The following PAPOLA variants were observed in gnomAD, a reference collection of about 807,000 sequenced individuals.
The protein encoded by PAPOLA is poly(A) polymerase alpha.
A neutral mutation model predicts 100.6 loss-of-function variants in PAPOLA; 15 were observed. The ratio of observed to expected loss-of-function variants is 0.15; its 90% CI spans 0.10 to 0.23. The LOEUF is 0.23. PAPOLA is among the 10% of genes least tolerant of loss of function. The probability of loss-of-function intolerance (pLI) is 1.00; values close to 1 mark genes in which losing one functional copy is unlikely to be tolerated. For missense variants in PAPOLA, 533 were observed against 884.2 expected (o/e 0.60, Z 5.04); for synonymous variants, 293 against 300.0 (o/e 0.98, Z 0.24).
chr14:96,522,112 C>CTTTTTTT (rs1350167869), intron 3 of PAPOLA, among the ~76,000 whole-genome samples: 125 of 98,666 alleles, frequency 1.3e-3, no homozygotes, highest in African/African-American at 2.0e-3. Flanking sequence ...CTCTTTCTTT[C>CTTTTTTT]TTTCTTTTTT....
intron 10 of PAPOLA, chr14:96,534,836 A>T: frequency 8.7e-7 from 1 of 1,149,700 alleles, no homozygotes; most frequent in South Asian, 4.0e-5. Context: ...ACTACCTTGT[A>T]AGTCAAAGTT....
At chr14:96,518,633 G>A (rs913607122) in intron 1 of PAPOLA, among the ~76,000 whole-genome samples, 10 of 152,008 alleles carry the variant, frequency 6.6e-5, no homozygotes, top group African/African-American at 2.4e-4. Context: ...TCCTGACCTC[G>A]TGATCCGCCC....
intron 1 of PAPOLA, chr14:96,502,939 A>G (rs1896411786): frequency 3.1e-6 from 1 of 323,248 alleles, no homozygotes; most frequent in Admixed American, 4.8e-5. Context: ...ACCCGAAAAC[A>G]AAACATTGCC....
chr14:96,555,797 A>T (rs4905503), intron 17 of PAPOLA, 50 bp from the exon 18 acceptor site: 330 of 922,950 alleles, frequency 3.6e-4, no homozygotes, highest in Non-Finnish European at 4.6e-4. Context: ...TTTTTTTTTT[A>T]TTTTTCTATT....
intron 1 of PAPOLA, among the ~76,000 whole-genome samples, chr14:96,514,173 T>G (rs1412315232): frequency 6.6e-6 from 1 of 151,152 alleles, no homozygotes; most frequent in African/African-American, 2.4e-5. Context: ...CTATTTGCAT[T>G]AGGTATCTTT....
At chr14:96,548,232 C>G (rs1022078452) in intron 16 of PAPOLA, among the ~76,000 whole-genome samples, 3 of 152,010 alleles carry the variant, frequency 2.0e-5, no homozygotes, top group African/African-American at 4.8e-5. Context: ...AATTTTCTTT[C>G]CTTTAAAAAG....
intron 16 of PAPOLA, among the ~76,000 whole-genome samples, chr14:96,548,933 T>C (rs1900610524): frequency 6.6e-6 from 1 of 152,232 alleles, no homozygotes; most frequent in South Asian, 2.1e-4. Context: ...GTGGACTGCC[T>C]TGTTCAAATT....
At chr14:96,557,927 T>A (rs1901500202) in intron 19 of PAPOLA, among the ~76,000 whole-genome samples, 2 of 152,174 alleles carry the variant, frequency 1.3e-5, no homozygotes, top group African/African-American at 4.8e-5. Context: ...ATGTATTTTT[T>A]AATTTGTGTC....
chr14:96,539,623 A>G (rs952281726), intron 12 of PAPOLA, among the ~76,000 whole-genome samples: 5 of 152,162 alleles, frequency 3.3e-5, no homozygotes, highest in Admixed American at 6.5e-5. Flanking sequence ...GGTAATGGCA[A>G]TTGCATCAAG....
At chr14:96,531,647 A>G in intron 7 of PAPOLA, 61 bp downstream of exon 7, 1 of 1,551,522 alleles carries the variant, frequency 6.4e-7, no homozygotes, top group Non-Finnish European at 8.7e-7. Flanking sequence ...AGTTGTTTTT[A>G]CACAAGTTTT....
At chr14:96,503,310 C>T (rs1006953336) in intron 1 of PAPOLA, among the ~76,000 whole-genome samples, 7 of 152,132 alleles carry the variant, frequency 4.6e-5, no homozygotes, top group Non-Finnish European at 7.3e-5. Flanking sequence ...GATGGGGTAA[C>T]CAGGTTTCAT....
In PAPOLA at chr14:96,555,844, TAGC is replaced by T; in HGVS notation, c.1665_1667del (p.Arg556del). 2 of 1,452,676 alleles carry T rather than the reference TAGC, an allele frequency of 1.4e-6. No homozygotes were observed. The highest frequency in any genetic ancestry group is 1.9e-6 in the Non-Finnish European group (2 of 1,076,934). The allele number at this position is 1,452,676 out of a possible 1,614,324, so 90.0% of individuals were successfully genotyped here. A position where few individuals can be genotyped will look rare whatever the true frequency, so the allele number is the denominator to read the frequency against. The stretch of plus-strand genomic sequence containing the variant: ...AGACAATTTTTAATTTTTTTTTTTT[TAGC>T]AGAAACAGTCCTGCTCCAGCTGTAA... On this transcript the variant is annotated splice_acceptor_variant and coding_sequence_variant, in exon 18 of 22. Coordinates refer to ENST00000216277, the MANE Select transcript of PAPOLA (RefSeq NM_032632.5). LOFTEE classifies it high-confidence loss of function.
At chr14:96,543,962 G>C (rs1900190165) in intron 14 of PAPOLA, among the ~76,000 whole-genome samples, 187 bp from the exon 15 acceptor site, 1 of 152,042 alleles carries the variant, frequency 6.6e-6, no homozygotes, top group African/African-American at 2.4e-5. Context: ...CTCTGTTTAT[G>C]TTGTAGTAGG....
chr14:96,535,610 C>G, intron 10 of PAPOLA: 2 of 1,085,884 alleles, frequency 1.8e-6, no homozygotes, highest in Non-Finnish European at 2.2e-6. Flanking sequence ...GATTCCCAAG[C>G]AGAACTTTTT....
rs141649922 is a variant in PAPOLA, at chr14:96,513,380, C to G, written c.9-6675C>G. ...CGCTGCACCAGGCCTGGGGATTTAG[C>G]TTTTTATGTAATTTATATTTTAAAA... On this transcript the variant is annotated intron_variant, in intron 1 of 21. Transcript: ENST00000216277. Among the ~76,000 whole-genome samples the G allele has an allele frequency of 2.3e-3, 352 of 152,174 alleles. 3 individuals carry two copies. The highest frequency in any genetic ancestry group is 8.0e-3 in the African/African-American group (331 of 41,520).
In PAPOLA at chr14:96,533,281, G is replaced by C. The variant is rs1423339171; in HGVS notation, c.836+632G>C. 5 of 984,764 alleles carry C rather than the reference G, an allele frequency of 5.1e-6. No homozygotes were observed. The African/African-American group carries it at 8.7e-5, about 17-fold the overall frequency. 61.0% of individuals were successfully genotyped at this position (984,764 alleles called of 1,614,324 possible). A position where few individuals can be genotyped will look rare whatever the true frequency, so the allele number is the denominator to read the frequency against. ...TATTAATTGCCTTGGCCCAAAAGGT[G>C]AGGGTTCTTGGTTTTTAATCAAATT... On this transcript the variant is annotated intron_variant, in intron 9 of 21. Coordinates refer to ENST00000216277, the MANE Select transcript of PAPOLA (RefSeq NM_032632.5).
At chr14:96,530,470 T>C (rs1490613166) in intron 6 of PAPOLA, among the ~76,000 whole-genome samples, 2 of 151,094 alleles carry the variant, frequency 1.3e-5, no homozygotes, top group Non-Finnish European at 2.9e-5. Flanking sequence ...CACTGTAGCC[T>C]CAACCTCCTG....
chr14:96,540,110 A>G (rs1277494237), intron 12 of PAPOLA, among the ~76,000 whole-genome samples: 1 of 152,210 alleles, frequency 6.6e-6, no homozygotes, highest in Non-Finnish European at 1.5e-5. Flanking sequence ...GTTGAACTCT[A>G]GGATTCAAAA....
chr14:96,545,787 TC>T (rs1766233590), intron 15 of PAPOLA, among the ~76,000 whole-genome samples: 1 of 152,060 alleles, frequency 6.6e-6, no homozygotes, highest in African/African-American at 2.4e-5. Context: ...TTTTAGAATG[TC>T]GTATGTAGGG....
Sources: allele counts gnomAD v4.1 joint callset (sites outside exome capture counted in the v4.1 genomes callset), GRCh38; gene constraint gnomAD v4.1.1; transcripts MANE v1.5; gene names NCBI Gene and HGNC (gene_info 2026-07-23, HGNC 2026-07-21).